The following BTAF1 variants were observed in gnomAD, a reference collection of about 807,000 sequenced individuals.
The protein encoded by BTAF1 is B-TFIID TATA-box binding protein associated factor 1, also known as TATA-binding protein-associated factor 172.
A neutral mutation model predicts 227.1 loss-of-function variants in BTAF1; 38 were observed. The ratio of observed to expected loss-of-function variants is 0.17; its 90% CI spans 0.13 to 0.22. The LOEUF (loss-of-function observed/expected upper bound fraction) is 0.22. Among genes scored for constraint, BTAF1 ranks in the 10% least tolerant of loss-of-function variants. The probability of loss-of-function intolerance (pLI) is 1.00; values close to 1 mark genes in which losing one functional copy is unlikely to be tolerated. For missense variants in BTAF1, 1,598 were observed against 2,204.0 expected (o/e 0.73, Z 5.51); for synonymous variants, 742 against 751.9 (o/e 0.99, Z 0.21).
chr10:91,981,999 A>G (rs1203953444), intron 16 of BTAF1, 84 bp from the exon 17 acceptor site: 23 of 1,457,220 alleles, frequency 1.6e-5, no homozygotes, highest in Non-Finnish European at 2.0e-5. Flanking sequence ...TACTGGGATT[A>G]TTTTAAAAAT....
intron 14 of BTAF1, among the ~76,000 whole-genome samples, chr10:91,971,931 T>G (rs577706493): frequency 1.3e-5 from 2 of 148,802 alleles, no homozygotes; most frequent in Non-Finnish European, 3.0e-5. Context: ...CTTATAATTT[T>G]GTCTTGTTTC....
At chr10:91,969,962 GAA>G (rs11301741) in intron 14 of BTAF1, among the ~76,000 whole-genome samples, 19 of 143,786 alleles carry the variant, frequency 1.3e-4, no homozygotes, top group Non-Finnish European at 1.2e-4. Flanking sequence ...CCCTGTCTCA[GAA>G]AAAAAAAAAA....
intron 28 of BTAF1, among the ~76,000 whole-genome samples, chr10:92,010,745 T>G (rs1028968834): frequency 2.0e-5 from 3 of 152,218 alleles, no homozygotes; most frequent in Non-Finnish European, 4.4e-5. Flanking sequence ...CCTTGGTGAT[T>G]ATGGGGACAC....
At chr10:91,984,096 A>G in intron 18 of BTAF1, 105 bp from the exon 19 acceptor site, 1 of 916,414 alleles carries the variant, frequency 1.1e-6, no homozygotes, top group Non-Finnish European at 1.6e-6. Flanking sequence ...ATATAGATTC[A>G]GTACAAGTAA....
chr10:91,997,116 A>G (rs1385558252), intron 24 of BTAF1: 2 of 1,285,594 alleles, frequency 1.6e-6, no homozygotes, highest in South Asian at 1.2e-5. Context: ...TGAAGATCAA[A>G]TCAGTAGAAA....
intron 34 of BTAF1, among the ~76,000 whole-genome samples, chr10:92,021,062 C>A (rs1379100827): frequency 6.6e-6 from 1 of 152,028 alleles, no homozygotes; most frequent in African/African-American, 2.4e-5. Context: ...TTCTTTTCAG[C>A]CAGAGTGAAG....
At chr10:91,987,432 A>G (rs1410376813) in intron 19 of BTAF1, among the ~76,000 whole-genome samples, 2 of 152,096 alleles carry the variant, frequency 1.3e-5, no homozygotes, top group Non-Finnish European at 2.9e-5. Context: ...GCAGTGAACC[A>G]AGATCACGCC....
At chr10:91,944,509 T>C (rs1042243654) in intron 4 of BTAF1, among the ~76,000 whole-genome samples, 7 of 152,206 alleles carry the variant, frequency 4.6e-5, no homozygotes, top group African/African-American at 1.7e-4. Context: ...GCCTAGTGTT[T>C]TTCCCTCCTG....
In BTAF1 at chr10:91,962,541, G is replaced by A. The variant is rs199521248; in HGVS notation, c.1267G>A (p.Val423Ile). Residue 423 changes from valine (V) to isoleucine (I), a missense_variant, in exon 12 of 38, where the codon GTA becomes ATA. Val to Ile is a conservative substitution (Grantham distance 29). Transcript: ENST00000265990. ...IKYALAVRQD[V>I]INTLLPKVLT... ...ATTTTCATGTACTGTTTTACAGGAT[G>A]TAATTAATACTTTATTGCCTAAAGT... 378 of 1,531,148 alleles carry A rather than the reference G, an allele frequency of 2.5e-4. 2 individuals carry two copies. Among genetic ancestry groups the A allele is most frequent in the Non-Finnish European group, 5.5e-5 (61 of 1,116,876 alleles). The allele number at this position is 1,531,148 out of a possible 1,614,324, so 94.8% of individuals were successfully genotyped here.
intron 14 of BTAF1, among the ~76,000 whole-genome samples, chr10:91,968,124 A>G (rs1246757264): frequency 1.3e-5 from 2 of 152,190 alleles, no homozygotes; most frequent in Admixed American, 6.5e-5. Context: ...ACAAATGTAC[A>G]ATAATATGTA....
chr10:91,972,902 A>G (rs1407000853), intron 14 of BTAF1, among the ~76,000 whole-genome samples: 3 of 152,230 alleles, frequency 2.0e-5, no homozygotes, highest in Admixed American at 1.3e-4. Flanking sequence ...TGCTACTGGT[A>G]TTGTATTGGA....
chr10:91,982,468 G>A (rs2133985937), intron 17 of BTAF1, 119 bp from the exon 18 acceptor site: 1 of 1,230,120 alleles, frequency 8.1e-7, no homozygotes, highest in Admixed American at 2.7e-5. Context: ...AAAAGTTATG[G>A]CTTCAAAAAG....
chr10:91,943,240 G>A (rs905162540), intron 4 of BTAF1, among the ~76,000 whole-genome samples: 3 of 151,358 alleles, frequency 2.0e-5, no homozygotes, highest in African/African-American at 7.3e-5. Context: ...CTTGAACTTG[G>A]GAGGCGGAGG....
chr10:91,935,649 T>G lies in BTAF1; in HGVS notation c.15-8T>G, dbSNP rs750633517. The G allele has an allele frequency of 6.2e-7, 1 of 1,610,374 alleles. No homozygotes were observed. Among genetic ancestry groups the G allele is most frequent in the South Asian group, 1.1e-5 (1 of 90,546 alleles). On this transcript the variant is annotated splice_polypyrimidine_tract_variant and splice_region_variant and intron_variant, in intron 1 of 37. Transcript: ENST00000265990. ...TTGAGAATAACCATTGTATTTTTGT[T>G]ATTTCAGGCTAGATCGCCTTTTTAT...
intron 11 of BTAF1, among the ~76,000 whole-genome samples, chr10:91,960,785 T>C (rs985759891): frequency 6.6e-6 from 1 of 152,198 alleles, no homozygotes; most frequent in Non-Finnish European, 1.5e-5. Context: ...TGTAATGTTA[T>C]ACATCATCTA....
intron 32 of BTAF1, 59 bp from the exon 33 acceptor site, chr10:92,016,281 G>A: frequency 6.5e-7 from 1 of 1,550,224 alleles, no homozygotes; most frequent in Non-Finnish European, 8.6e-7. Flanking sequence ...CTGGTTATGT[G>A]TTTTGAACAA....
intron 10 of BTAF1, 45 bp downstream of exon 10, chr10:91,959,925 T>A (rs777666944): frequency 6.2e-7 from 1 of 1,600,568 alleles, no homozygotes. Flanking sequence ...AATTTCAAAT[T>A]CTACAAAATA....
At chr10:91,937,168 T>C (rs1844675574) in intron 2 of BTAF1, among the ~76,000 whole-genome samples, 1 of 152,012 alleles carries the variant, frequency 6.6e-6, no homozygotes. Context: ...CTAATTTTTG[T>C]ATTTTTAGTG....
At chr10:91,924,704 TC>T (rs1380803724) in intron 1 of BTAF1, among the ~76,000 whole-genome samples, 1 of 152,228 alleles carries the variant, frequency 6.6e-6, no homozygotes, top group Non-Finnish European at 1.5e-5. Flanking sequence ...GATCTTATAT[TC>T]TTTTGAAATA....
Sources: gnomAD v4.1 joint callset for allele counts (sites outside exome capture counted in the v4.1 genomes callset) on GRCh38, gnomAD v4.1.1 for gene constraint, MANE v1.5 for transcripts, NCBI Gene and HGNC (gene_info 2026-07-23, HGNC 2026-07-21) for gene names.